ABCA5: variants seen among roughly 807,000 people sequenced by gnomAD.
ABCA5 encodes cholesterol transporter ABCA5.
Under a neutral mutation model 206.0 loss-of-function variants are expected in ABCA5, and 163 were observed. The observed-to-expected ratio is 0.79, with a 90% CI of 0.70 to 0.90. ABCA5 has a LOEUF of 0.90. ABCA5 is among the 40% of genes least tolerant of loss of function. ABCA5 has a pLI of 0.00. For synonymous variants in ABCA5, 609 were observed against 613.8 expected, an observed-to-expected ratio of 0.99 and a Z score of 0.11; for missense variants, 1,859 against 1,912.9, an observed-to-expected ratio of 0.97 and a Z score of 0.53.
intron 7 of ABCA5, chr17:69,304,402 T>C: frequency 8.4e-6 from 2 of 238,392 alleles, no homozygotes; most frequent in South Asian, 1.2e-4. Context: ...ATTATATACA[T>C]CATTATATAA....
At chr17:69,275,834 C>T (rs531131751) in intron 19 of ABCA5, among the ~76,000 whole-genome samples, 1 of 152,132 alleles carries the variant, frequency 6.6e-6, no homozygotes, top group South Asian at 2.1e-4. Flanking sequence ...GGTGGGGTCC[C>T]CATGATGGGA....
At chr17:69,303,817 TATATATATGTATATATATATATACATAC>T (rs1598197464) in intron 7 of ABCA5, among the ~76,000 whole-genome samples, 1 of 7,380 alleles carries the variant, frequency 1.4e-4, no homozygotes, top group Non-Finnish European at 9.6e-4. Context: ...TACATACATA[TATATATATGTATATATATATATACATAC>T]ATATATATAT....
At chr17:69,274,530 G>A (rs1323403491) in intron 19 of ABCA5, among the ~76,000 whole-genome samples, 2 of 150,208 alleles carry the variant, frequency 1.3e-5, no homozygotes, top group Admixed American at 1.3e-4. Context: ...AGCCTACATT[G>A]GTATAGATTT....
chr17:69,304,532 T>C lies in ABCA5; in HGVS notation c.930+137A>G, dbSNP rs377547365. On this transcript the variant is annotated intron_variant, in intron 7 of 38. Transcript: ENST00000392676. Reference sequence around the variant, plus strand: ...GAATACAGTGATGCCACATCATTTATTTATTAAGTCACTTATCAATTAGTA... The same window carrying C: ...GAATACAGTGATGCCACATCATTTACTTATTAAGTCACTTATCAATTAGTA... 250 of 684,306 alleles carry C rather than the reference T, an allele frequency of 3.7e-4. 2 individuals carry two copies. In the East Asian group the frequency reaches 6.9e-3, roughly 19 times the overall value. 42.4% of individuals were successfully genotyped at this position (684,306 alleles called of 1,614,324 possible).
Position 69,287,742 on chromosome 17 carries a change from G to C in ABCA5, c.1912C>G (p.Leu638Val). 1 of 1,612,804 alleles carries C rather than the reference G, an allele frequency of 6.2e-7. No individual in the cohort carries two copies. The highest frequency in any genetic ancestry group is 8.5e-7 in the Non-Finnish European group (1 of 1,179,490). ...AVLGNPKILL[L>V]DEPTAGMDPC... The stretch of plus-strand genomic sequence containing the variant: ...TCCATTCCAGCTGTTGGTTCATCTA[G>C]CAGCAGTATCTGTGTGAAAAGAGGT... The change falls in exon 15 of 39, where the codon CTA becomes GTA. Residue 638 changes from leucine to valine, a missense_variant. Coordinates refer to ENST00000392676, the MANE Select transcript of ABCA5 (RefSeq NM_172232.4).
rs889209373 is a variant in ABCA5 at position 69,247,477 on chromosome 17, C to A, written c.*60G>T. On this transcript the variant is annotated 3_prime_UTR_variant, in exon 39 of 39. Coordinates refer to ENST00000392676, the MANE Select transcript of ABCA5 (RefSeq NM_172232.4). ...CATTCCAATAAAAAACTTTTTAAACCAAAGTTAAAATTAAGTGAAAAAGAA... is the reference window on the plus strand; with the variant it reads ...CATTCCAATAAAAAACTTTTTAAACAAAAGTTAAAATTAAGTGAAAAAGAA... 2.5e-5 allele frequency: 31 copies of A among 1,257,478 alleles called. No individual in the cohort carries two copies. Among genetic ancestry groups the A allele is most frequent in the Admixed American group, 7.8e-5 (3 of 38,272 alleles). 77.9% of individuals were successfully genotyped at this position (1,257,478 alleles called of 1,614,324 possible). A position where few individuals can be genotyped will look rare whatever the true frequency, so the allele number is the denominator to read the frequency against.
intron 1 of ABCA5, among the ~76,000 whole-genome samples, chr17:69,316,052 ATAAT>A (rs1211818124): frequency 6.6e-6 from 1 of 152,202 alleles, no homozygotes. Context: ...GAAAAACACA[ATAAT>A]AAATAAAACT....
chr17:69,277,727 G>A lies in ABCA5; in HGVS notation c.2508C>T (p.Thr836=). The part of the protein sequence containing the change: ...LSETKAALVS[T]MSLWKQQMYT... ...ACATCTGTTGTTTCCAAAGGCTCAT[G>A]GTGCTCACTAGAGCAGCCTTGGTTT... The change falls in exon 19 of 39, where the codon ACC becomes ACT. Residue 836 remains threonine (T), a synonymous_variant. Transcript: ENST00000392676. The A allele has an allele frequency of 1.2e-6, 2 of 1,610,414 alleles. No individual in the cohort carries two copies. The highest frequency in any genetic ancestry group is 1.7e-6 in the Non-Finnish European group (2 of 1,178,932).
chr17:69,323,643 A>C (rs1010860850), intron 1 of ABCA5, among the ~76,000 whole-genome samples: 2 of 152,280 alleles, frequency 1.3e-5, no homozygotes, highest in South Asian at 4.1e-4. Flanking sequence ...TTTCATCTTG[A>C]ACTTGACCAT....
chr17:69,249,778 T>C (rs1476711040), intron 37 of ABCA5, 127 bp downstream of exon 37: 23 of 1,254,046 alleles, frequency 1.8e-5, no homozygotes, highest in East Asian at 2.5e-5. Flanking sequence ...AATTCTTTCA[T>C]AATTTGAGAG....
chr17:69,261,464 T>C (rs570558935), intron 25 of ABCA5, among the ~76,000 whole-genome samples, 171 bp downstream of exon 25: 1 of 152,172 alleles, frequency 6.6e-6, no homozygotes, highest in African/African-American at 2.4e-5. Context: ...ATATTGTTCC[T>C]ACGTGGAAAG....
chr17:69,320,955 C>G (rs184044038), intron 1 of ABCA5, among the ~76,000 whole-genome samples: 1 of 151,914 alleles, frequency 6.6e-6, no homozygotes, highest in African/African-American at 2.4e-5. Flanking sequence ...GACAATTGGT[C>G]GAGAGATTAT....
intron 3 of ABCA5, among the ~76,000 whole-genome samples, chr17:69,312,316 T>C (rs933045258): frequency 3.3e-5 from 5 of 152,158 alleles, no homozygotes. Context: ...TAGGTGGCAC[T>C]TTAGGTGGAG....
At chr17:69,282,531 G>A (rs1459360758) in intron 18 of ABCA5, among the ~76,000 whole-genome samples, 1 of 152,178 alleles carries the variant, frequency 6.6e-6, no homozygotes, top group Non-Finnish European at 1.5e-5. Context: ...AGCACTTTGG[G>A]AGGCCAAGGC....
chr17:69,304,790 T>A lies in ABCA5; in HGVS notation c.809A>T (p.Tyr270Phe). ...TAFWLSWVLL[Y>F]TSLIFLMSLL... is the part of the protein sequence containing the mutation. ...GGACATAAGAAAAATTAAACTTGTA[T>A]ATAGAAGAACCCAGGAAAGCCTAAA... The change falls in exon 7 of 39, where the codon TAT (tyrosine) becomes TTT (phenylalanine). Residue 270 changes from tyrosine (Y) to phenylalanine (F), a missense_variant. Coordinates refer to ENST00000392676, the MANE Select transcript of ABCA5 (RefSeq NM_172232.4). The A allele has an allele frequency of 6.2e-7, 1 of 1,601,862 alleles. No homozygotes were observed. Among genetic ancestry groups the A allele is most frequent in the East Asian group, 2.2e-5 (1 of 44,454 alleles).
At chr17:69,303,804 A>ATATG (rs2075680741) in intron 7 of ABCA5, among the ~76,000 whole-genome samples, 2 of 7,102 alleles carry the variant, frequency 2.8e-4, no homozygotes, top group Admixed American at 6.0e-3. Context: ...ATATATATAT[A>ATATG]TATACATACA....
intron 18 of ABCA5, 118 bp downstream of exon 18, chr17:69,283,827 ATTACTTAT>A (rs1222063763): frequency 5.8e-6 from 5 of 859,334 alleles, no homozygotes; most frequent in Non-Finnish European, 8.2e-6. Flanking sequence ...TCAGTATCTC[ATTACTTAT>A]TTACTTATTT....
At chr17:69,258,175 T>G (rs1002592881) in intron 28 of ABCA5, among the ~76,000 whole-genome samples, 10 of 151,308 alleles carry the variant, frequency 6.6e-5, no homozygotes, top group Admixed American at 5.9e-4. Flanking sequence ...TGGATATATA[T>G]CCAAAGGAAA....
intron 1 of ABCA5, chr17:69,317,336 G>T (rs1002453176): frequency 1.4e-5 from 2 of 143,492 alleles, no homozygotes; most frequent in African/African-American, 2.6e-5. Flanking sequence ...GGAGGCAGAG[G>T]TTGCAGTGAG....
Sources: gnomAD v4.1 joint callset for allele counts (sites outside exome capture counted in the v4.1 genomes callset) on GRCh38, gnomAD v4.1.1 for gene constraint, MANE v1.5 for transcripts, NCBI Gene and HGNC (gene_info 2026-07-23, HGNC 2026-07-21) for gene names.